MAN2B2: variants seen among roughly 807,000 people sequenced by gnomAD.
The protein encoded by MAN2B2 is mannosidase alpha class 2B member 2.
MAN2B2 carries 106 observed loss-of-function variants against 117.1 expected under a neutral mutation model. The observed-to-expected ratio is 0.90, with a 90% CI of 0.77 to 1.06. The LOEUF is 1.06. MAN2B2 is among the 50% of genes least tolerant of loss of function. MAN2B2 has a pLI of 0.00. For missense variants in MAN2B2, 1,326 were observed against 1,381.4 expected (o/e 0.96, Z 0.64); for synonymous variants, 544 against 595.1 (o/e 0.91, Z 1.25).
chr4:6,597,687 G>C (rs991600561), intron 8 of MAN2B2, among the ~76,000 whole-genome samples: 1 of 152,216 alleles, frequency 6.6e-6, no homozygotes, highest in African/African-American at 2.4e-5. Flanking sequence ...CAACGAGCTT[G>C]CCCAGGAGGA....
chr4:6,609,632 C>A, intron 12 of MAN2B2, 166 bp from the exon 13 acceptor site: 2 of 857,014 alleles, frequency 2.3e-6, no homozygotes, highest in Non-Finnish European at 3.6e-6. Flanking sequence ...TGCTCCCAGC[C>A]GCTCGGGGTC....
chr4:6,610,900 G>T lies in MAN2B2; in HGVS notation c.2280G>T (p.Gln760His). ...TGCAGAATTACTACCCCATGGTTCA[G>T]TCGGCCTTCATGGAGGATGGCAAAA... is the stretch of plus-strand genomic sequence containing the variant. ...SIARNYYPMV[Q>H]SAFMEDGKSR... The change falls in exon 14 of 19, where the codon CAG becomes CAT. Residue 760 changes from glutamine (Q) to histidine (H), a missense_variant. Coordinates refer to ENST00000285599, the MANE Select transcript of MAN2B2 (RefSeq NM_015274.3). The T allele has an allele frequency of 1.2e-6, 2 of 1,614,208 alleles. No individual in the cohort carries two copies. Among genetic ancestry groups the T allele is most frequent in the Non-Finnish European group, 1.7e-6 (2 of 1,180,012 alleles).
intron 18 of MAN2B2, chr4:6,620,742 A>G: frequency 6.0e-6 from 1 of 165,704 alleles, no homozygotes; most frequent in Non-Finnish European, 1.3e-5. Context: ...GATGAGTGAT[A>G]GATAAGTGGA....
chr4:6,585,122 C>T (rs893535865), intron 3 of MAN2B2, among the ~76,000 whole-genome samples: 6 of 152,202 alleles, frequency 3.9e-5, no homozygotes, highest in Middle Eastern at 3.4e-3. Flanking sequence ...TCCTAGTCCA[C>T]GCTCCCCCTG....
In MAN2B2 at chr4:6,609,632, C is replaced by T. The variant is rs1350979173; in HGVS notation, c.2007-166C>T. ...GTCGGGGAACCAGGCTGCTCCCAGC[C>T]GCTCGGGGTCCTGGGTGGTGCTATT... On this transcript the variant is annotated intron_variant, in intron 12 of 18. Transcript: ENST00000285599. The T allele has an allele frequency of 1.5e-5, 13 of 857,014 alleles. No individual in the cohort carries two copies. The East Asian group carries it at 1.8e-4, about 12-fold the overall frequency. The allele number at this position is 857,014 out of a possible 1,614,324, so 53.1% of individuals were successfully genotyped here.
chr4:6,611,229 C>T lies in MAN2B2; in HGVS notation c.2514C>T (p.Ser838=), dbSNP rs776475620. 3.0e-5 allele frequency: 48 copies of T among 1,613,342 alleles called. No individual in the cohort carries two copies. Among genetic ancestry groups the T allele is most frequent in the East Asian group, 1.6e-4 (7 of 44,886 alleles). ...TCACCACTGCCCTGCGCCAGAGGAG[C>T]GCACTGGCGCTGCAGCACAGGCCCG... ...WSLTTALRQR[S]ALALQHRPVV... Residue 838 remains serine (S), a synonymous_variant, in exon 15 of 19, where the codon AGC becomes AGT. Coordinates refer to ENST00000285599, the MANE Select transcript of MAN2B2 (RefSeq NM_015274.3).
Position 6,600,749 on chromosome 4 carries a change from C to T in MAN2B2, c.1532C>T (p.Pro511Leu), listed in dbSNP as rs760400749. The change falls in exon 10 of 19, where the codon CCC becomes CTC. Residue 511 changes from proline to leucine, a missense_variant. Physicochemically the swap from Pro to Leu is moderately conservative, Grantham distance 98. Coordinates refer to ENST00000285599, the MANE Select transcript of MAN2B2 (RefSeq NM_015274.3). ...ACAGATGAGGCGGGCCACCCAGTGC[C>T]CTCGCAGGTATGGACACAAAATCCT... ...RVTDEAGHPV[P>L]SQIQNSTETP... 13 of 1,613,414 alleles carry T rather than the reference C, an allele frequency of 8.1e-6. No individual in the cohort carries two copies. The highest frequency in any genetic ancestry group is 1.3e-5 in the African/African-American group (1 of 75,044).
rs181817869 is a variant in MAN2B2 at position 6,600,484 on chromosome 4, C to A, written c.1406-139C>A. ...GTGGGAAACACCTGTTGGCCTGCCC[C>A]CTTCCTGGCTCCCCTGGGAGTTCTG... On this transcript the variant is annotated intron_variant, in intron 9 of 18. Transcript: ENST00000285599. 1.1e-4 allele frequency: 107 copies of A among 990,150 alleles called. No individual in the cohort carries two copies. The African/African-American group carries it at 1.2e-3, about 12-fold the overall frequency. 61.3% of individuals were successfully genotyped at this position (990,150 alleles called of 1,614,324 possible).
chr4:6,575,389 C>A, intron 1 of MAN2B2, 41 bp downstream of exon 1: 1 of 1,411,624 alleles, frequency 7.1e-7, no homozygotes, highest in Non-Finnish European at 9.4e-7. Context: ...GAGGCTGCAG[C>A]TTCCCTCTCC....
At chr4:6,603,645 G>A (rs1446198603) in intron 10 of MAN2B2, among the ~76,000 whole-genome samples, 1 of 152,174 alleles carries the variant, frequency 6.6e-6, no homozygotes, top group Non-Finnish European at 1.5e-5. Flanking sequence ...GCTGGGGATG[G>A]TGTACTAACC....
Position 6,598,229 on chromosome 4 carries a change from A to G in MAN2B2, c.1280A>G (p.Glu427Gly). 6.2e-7 allele frequency: 1 copy of G among 1,613,730 alleles called. No individual in the cohort carries two copies. The highest frequency in any genetic ancestry group is 8.5e-7 in the Non-Finnish European group (1 of 1,180,018). The change falls in exon 9 of 19, where the codon GAG becomes GGG. Residue 427 changes from glutamate (E) to glycine (G), a missense_variant. Glu to Gly is a moderately conservative substitution (Grantham distance 98, BLOSUM62 -2). Transcript: ENST00000285599. ...CACCATGATGCCATCACTGGGACTGAGTCCCCCAAGGTGAGAGACATGTAC... is the reference window on the plus strand; with the variant it reads ...CACCATGATGCCATCACTGGGACTGGGTCCCCCAAGGTGAGAGACATGTAC... ...VQHHDAITGT[E>G]SPKVRDMYAT...
At chr4:6,608,299 C>T (rs991987843) in intron 11 of MAN2B2, among the ~76,000 whole-genome samples, 2 of 152,200 alleles carry the variant, frequency 1.3e-5, no homozygotes, top group Non-Finnish European at 2.9e-5. Context: ...CTCAGTAGAA[C>T]CCTCCACAGC....
At chr4:6,602,082 G>C (rs1409876948) in intron 10 of MAN2B2, among the ~76,000 whole-genome samples, 1 of 152,200 alleles carries the variant, frequency 6.6e-6, no homozygotes, top group Non-Finnish European at 1.5e-5. Flanking sequence ...TGAGACTAAG[G>C]GACTGGTCAA....
At position 6,598,272 on chromosome 4, in the gene MAN2B2, G is replaced by A. The variant is rs544399786; in HGVS notation, c.1323G>A (p.Ser441=). The change falls in exon 9 of 19, where the codon TCG becomes TCA. Residue 441 remains serine, a synonymous_variant. Coordinates refer to ENST00000285599, the MANE Select transcript of MAN2B2 (RefSeq NM_015274.3). ...ACATGTACGCAACGCACCTGGCCTC[G>A]GGGATGCTGGGCATGCGCAAGCTGA... The part of the protein sequence containing the change: ...VRDMYATHLA[S]GMLGMRKLMA... The A allele has an allele frequency of 3.8e-5, 62 of 1,613,684 alleles. 1 individual carries two copies. The highest frequency in any genetic ancestry group is 8.8e-5 in the South Asian group (8 of 91,090).
intron 6 of MAN2B2, 51 bp from the exon 7 acceptor site, chr4:6,594,483 G>A (rs1482872241): frequency 8.2e-6 from 13 of 1,586,600 alleles, no homozygotes; most frequent in Non-Finnish European, 1.1e-5. Flanking sequence ...ACCCCCACTG[G>A]GCGAGCGCCC....
At chr4:6,580,444 C>T (rs991722096) in intron 3 of MAN2B2, among the ~76,000 whole-genome samples, 2 of 152,236 alleles carry the variant, frequency 1.3e-5, no homozygotes, top group African/African-American at 4.8e-5. Flanking sequence ...CCCCACACCC[C>T]TTCACAAGCC....
At chr4:6,590,798 G>A (rs1275605260) in intron 5 of MAN2B2, among the ~76,000 whole-genome samples, 6 of 152,182 alleles carry the variant, frequency 3.9e-5, no homozygotes, top group East Asian at 1.9e-4. Flanking sequence ...ACAAGGCTTC[G>A]TCCCCACCCA....
intron 3 of MAN2B2, among the ~76,000 whole-genome samples, chr4:6,582,256 C>G (rs751625160): frequency 1.3e-5 from 2 of 152,198 alleles, no homozygotes; most frequent in Non-Finnish European, 2.9e-5. Flanking sequence ...CGCGATCCCT[C>G]TCCTGTGTCA....
At chr4:6,585,288 G>A (rs990391960) in intron 3 of MAN2B2, among the ~76,000 whole-genome samples, 1 of 152,136 alleles carries the variant, frequency 6.6e-6, no homozygotes, top group African/African-American at 2.4e-5. Flanking sequence ...AGGGTCCCCA[G>A]GACTGCAAGT....
Sources: allele counts gnomAD v4.1 joint callset (sites outside exome capture counted in the v4.1 genomes callset), GRCh38; gene constraint gnomAD v4.1.1; transcripts MANE v1.5; gene names NCBI Gene and HGNC (gene_info 2026-07-23, HGNC 2026-07-21).